PRKCE: variants seen among roughly 807,000 people sequenced by gnomAD.
PRKCE encodes protein kinase C epsilon, also known as protein kinase C epsilon type.
PRKCE carries 16 observed loss-of-function variants against 85.4 expected under a neutral mutation model. The observed-to-expected ratio is 0.19, with a 90% CI of 0.13 to 0.28. PRKCE has a LOEUF of 0.28. Among genes scored for constraint, PRKCE ranks in the 10% least tolerant of loss-of-function variants. The pLI, the probability that PRKCE is intolerant of heterozygous loss-of-function variation, is 1.00. For missense variants in PRKCE, 573 were observed against 975.2 expected (o/e 0.59, Z 5.49); for synonymous variants, 388 against 371.5 (o/e 1.04, Z -0.51).
intron 2 of PRKCE, among the ~76,000 whole-genome samples, chr2:45,945,642 C>T (rs770120398): frequency 6.6e-6 from 1 of 152,200 alleles, no homozygotes; most frequent in Non-Finnish European, 1.5e-5. Context: ...AAGTGCTTTC[C>T]ATGAGCTATC....
chr2:46,053,820 G>A (rs542884908), intron 10 of PRKCE, among the ~76,000 whole-genome samples: 8 of 152,332 alleles, frequency 5.3e-5, no homozygotes, highest in African/African-American at 1.7e-4. Context: ...ATGCTGCTGT[G>A]AACATGGGCT....
At position 45,930,154 on chromosome 2, in the gene PRKCE, C is replaced by CT. The variant is rs1698929862; in HGVS notation, c.413-46274dup. ...CCAGCTCAGTCACCTGATTACTGTT[C>CT]TGTGCGACACCCCACAAATGAGGAC... is the stretch of plus-strand genomic sequence containing the variant. On this transcript the variant is annotated intron_variant, in intron 2 of 14. Transcript: ENST00000306156. Among the ~76,000 whole-genome samples the CT allele has an allele frequency of 5.3e-5, 8 of 152,308 alleles. No homozygotes were observed. In the South Asian group the frequency reaches 1.7e-3, roughly 32 times the overall value.
rs70937991 is a variant in PRKCE at position 46,123,214 on chromosome 2, C to CTTTTTTTTTTTTTTTTT, written c.1593-21866_1593-21850dup. On this transcript the variant is annotated intron_variant, in intron 11 of 14. Coordinates refer to ENST00000306156, the MANE Select transcript of PRKCE (RefSeq NM_005400.3). ...AAGCTTTACAAAGGAAAACACTTGC[C>CTTTTTTTTTTTTTTTTT]TTTTTTTTTTTTTTTTTTTTTTTTT... Among the ~76,000 whole-genome samples, 38 of 27,368 alleles carry CTTTTTTTTTTTTTTTTT rather than the reference C, an allele frequency of 1.4e-3. 9 individuals are homozygous for CTTTTTTTTTTTTTTTTT. Among genetic ancestry groups the CTTTTTTTTTTTTTTTTT allele is most frequent in the South Asian group, 8.3e-3 (3 of 360 alleles). The allele number at this position is 27,368 out of a possible 152,430, so 18.0% of individuals were successfully genotyped here. A position where few individuals can be genotyped will look rare whatever the true frequency, so the allele number is the denominator to read the frequency against.
chr2:45,715,037 T>C (rs1276918617), intron 1 of PRKCE, among the ~76,000 whole-genome samples: 1 of 152,254 alleles, frequency 6.6e-6, no homozygotes, highest in Non-Finnish European at 1.5e-5. Flanking sequence ...AGGCTGGAGT[T>C]GTTCCCTGGC....
At chr2:45,906,574 G>T (rs562523973) in intron 2 of PRKCE, among the ~76,000 whole-genome samples, 2 of 152,248 alleles carry the variant, frequency 1.3e-5, no homozygotes, top group South Asian at 4.1e-4. Context: ...CTGGTTTTGA[G>T]CATGGGCCTG....
intron 10 of PRKCE, among the ~76,000 whole-genome samples, chr2:46,028,147 G>C (rs1014124107): frequency 3.9e-5 from 6 of 152,106 alleles, no homozygotes; most frequent in African/African-American, 1.4e-4. Flanking sequence ...TTGCCATGCT[G>C]GCCAGGCCGG....
At chr2:46,062,294 A>C (rs981088797) in intron 10 of PRKCE, among the ~76,000 whole-genome samples, 11 of 152,188 alleles carry the variant, frequency 7.2e-5, no homozygotes, top group Non-Finnish European at 1.2e-4. Context: ...AGCCTTTCAG[A>C]AACAAAATCT....
chr2:46,183,053 A>G (rs2594496), intron 14 of PRKCE, among the ~76,000 whole-genome samples: 119,469 of 152,206 alleles, frequency 0.78, 47,489 homozygotes, highest in East Asian at 0.97. Context: ...GGATGTTACC[A>G]GCCTGTTCTG....
intron 1 of PRKCE, among the ~76,000 whole-genome samples, chr2:45,788,773 G>A (rs1000455372): frequency 1.3e-5 from 2 of 152,130 alleles, no homozygotes; most frequent in Non-Finnish European, 2.9e-5. Flanking sequence ...GTCTAAAGTA[G>A]GCAAAGTAGT....
chr2:45,975,704 G>T (rs1369023631), intron 2 of PRKCE, among the ~76,000 whole-genome samples: 1 of 152,146 alleles, frequency 6.6e-6, no homozygotes, highest in African/African-American at 2.4e-5. Context: ...TTCTCAGTTG[G>T]TGGGGCAGTC....
chr2:46,033,876 G>C (rs1707694874), intron 10 of PRKCE, among the ~76,000 whole-genome samples: 1 of 152,156 alleles, frequency 6.6e-6, no homozygotes, highest in South Asian at 2.1e-4. Flanking sequence ...TGACTCAGAG[G>C]GGAAAGAGCA....
At chr2:46,031,839 A>G (rs1326460628) in intron 10 of PRKCE, among the ~76,000 whole-genome samples, 1 of 152,106 alleles carries the variant, frequency 6.6e-6, no homozygotes, top group African/African-American at 2.4e-5. Flanking sequence ...AATATCCCAC[A>G]TGCTCCTCAC....
intron 14 of PRKCE, among the ~76,000 whole-genome samples, chr2:46,162,628 A>G (rs1257065972): frequency 1.3e-5 from 2 of 152,188 alleles, no homozygotes; most frequent in African/African-American, 4.8e-5. Context: ...GGAAAAAGGA[A>G]GGCTAAAACG....
intron 1 of PRKCE, among the ~76,000 whole-genome samples, chr2:45,806,769 A>G (rs1003318641): frequency 6.6e-6 from 1 of 151,976 alleles, no homozygotes; most frequent in Non-Finnish European, 1.5e-5. Context: ...ATGAGGGAGG[A>G]CCCCGGGGTG....
At chr2:45,863,387 T>C (rs1044772155) in intron 2 of PRKCE, among the ~76,000 whole-genome samples, 2 of 152,074 alleles carry the variant, frequency 1.3e-5, no homozygotes, top group South Asian at 2.1e-4. Context: ...GCAAACACAA[T>C]ACCAGGGTAA....
chr2:46,028,275 A>G (rs1262170787), intron 10 of PRKCE, among the ~76,000 whole-genome samples: 3 of 152,230 alleles, frequency 2.0e-5, no homozygotes, highest in African/African-American at 7.2e-5. Context: ...AACCTAGCCC[A>G]GCCTCACTCT....
At chr2:45,920,431 T>C (rs1310496529) in intron 2 of PRKCE, among the ~76,000 whole-genome samples, 1 of 152,224 alleles carries the variant, frequency 6.6e-6, no homozygotes, top group African/African-American at 2.4e-5. Context: ...CCAATAGGAA[T>C]GAAAACACAG....
intron 1 of PRKCE, among the ~76,000 whole-genome samples, chr2:45,766,080 C>G (rs1475763879): frequency 6.6e-6 from 1 of 152,164 alleles, no homozygotes; most frequent in African/African-American, 2.4e-5. Flanking sequence ...AGGACTCTGG[C>G]AAGCACAGCA....
At chr2:46,102,026 C>T (rs1412205414) in intron 11 of PRKCE, among the ~76,000 whole-genome samples, 2 of 147,858 alleles carry the variant, frequency 1.4e-5, no homozygotes, top group Non-Finnish European at 3.0e-5. Flanking sequence ...CTGGTGTGAG[C>T]TAGCTACAGG....
Sources: allele counts gnomAD v4.1 joint callset (sites outside exome capture counted in the v4.1 genomes callset), GRCh38; gene constraint gnomAD v4.1.1; transcripts MANE v1.5; gene names NCBI Gene and HGNC (gene_info 2026-07-23, HGNC 2026-07-21).